The following TOX2 variants were observed in gnomAD, a reference collection of about 807,000 sequenced individuals.
The protein encoded by TOX2 is granulosa cell HMG box 1.
TOX2 carries 15 observed loss-of-function variants against 47.4 expected under a neutral mutation model. The ratio of observed to expected loss-of-function variants is 0.32; its 90% CI spans 0.21 to 0.49. The LOEUF (loss-of-function observed/expected upper bound fraction) is 0.49, where lower values mean the gene tolerates loss of function less well. TOX2 is among the 20% of genes least tolerant of loss of function. TOX2 has a pLI of 0.99. For missense variants in TOX2, 622 were observed against 673.1 expected, an observed-to-expected ratio of 0.92 and a Z score of 0.84; for synonymous variants, 290 against 296.6, an observed-to-expected ratio of 0.98 and a Z score of 0.23.
intron 3 of TOX2, among the ~76,000 whole-genome samples, chr20:44,011,992 A>G (rs905928237): frequency 6.6e-6 from 1 of 152,254 alleles, no homozygotes; most frequent in Non-Finnish European, 1.5e-5. Flanking sequence ...CAGCGTCTTA[A>G]CTGATTAAAC....
chr20:43,991,690 C>G (rs2070372007), intron 2 of TOX2, among the ~76,000 whole-genome samples: 2 of 151,222 alleles, frequency 1.3e-5, no homozygotes, highest in Admixed American at 6.6e-5. Flanking sequence ...GTCATCCAGG[C>G]TGGAGTGCAG....
chr20:44,053,184 C>T (rs2071546564), intron 4 of TOX2, among the ~76,000 whole-genome samples: 1 of 152,166 alleles, frequency 6.6e-6, no homozygotes, highest in Non-Finnish European at 1.5e-5. Flanking sequence ...GGCATCCCAA[C>T]ACCACCCCAT....
rs11274396 is a variant in TOX2, at chr20:43,986,256, A to AATGTATGT, written c.165+12849_165+12856dup. Among the ~76,000 whole-genome samples, 1,078 of 149,768 alleles carry AATGTATGT rather than the reference A, an allele frequency of 7.2e-3. 8 individuals carry two copies. Among genetic ancestry groups the AATGTATGT allele is most frequent in the African/African-American group, 0.02 (825 of 40,304 alleles). ...GGGAAGGGACGAGGAAGCCTTTTAA[A>AATGTATGT]ATGTATGTATGTATGTATGTATGTA... On this transcript the variant is annotated intron_variant, in intron 2 of 8. Transcript: ENST00000341197.
At chr20:44,022,445 C>T (rs1383813513) in intron 3 of TOX2, among the ~76,000 whole-genome samples, 2 of 152,194 alleles carry the variant, frequency 1.3e-5, no homozygotes, top group African/African-American at 2.4e-5. Flanking sequence ...AAGCACTTTA[C>T]GTGTGAGCTG....
intron 3 of TOX2, among the ~76,000 whole-genome samples, chr20:44,020,345 T>C (rs1004913106): frequency 3.9e-5 from 6 of 152,156 alleles, no homozygotes; most frequent in African/African-American, 1.4e-4. Flanking sequence ...AAATACCTAA[T>C]GCATGCGGGG....
At chr20:43,954,605 C>T (rs926866110) in intron 1 of TOX2, among the ~76,000 whole-genome samples, 2 of 152,190 alleles carry the variant, frequency 1.3e-5, no homozygotes, top group Admixed American at 6.5e-5. Context: ...CTGGAGGCTC[C>T]TGGACCTGCC....
chr20:43,967,113 C>A (rs1020763957), intron 1 of TOX2, among the ~76,000 whole-genome samples: 4 of 152,070 alleles, frequency 2.6e-5, no homozygotes, highest in African/African-American at 9.7e-5. Flanking sequence ...ATGTAGATGG[C>A]AGGGAGACCA....
At chr20:44,022,044 G>C (rs768080410) in intron 3 of TOX2, among the ~76,000 whole-genome samples, 1 of 152,208 alleles carries the variant, frequency 6.6e-6, no homozygotes, top group Non-Finnish European at 1.5e-5. Context: ...AGCACGTGGC[G>C]GAAGGCCCGT....
At chr20:44,052,885 C>T (rs1487911368) in intron 4 of TOX2, among the ~76,000 whole-genome samples, 1 of 152,208 alleles carries the variant, frequency 6.6e-6, no homozygotes, top group Admixed American at 6.5e-5. Flanking sequence ...GACAACATGC[C>T]TCTTCATCCC....
At position 43,975,110 on chromosome 20, in the gene TOX2, T is replaced by C. The variant is rs1031205134; in HGVS notation, c.165+1678T>C. On this transcript the variant is annotated intron_variant, in intron 2 of 8. Transcript: ENST00000341197. ...GAGCCTTTTCACAATGTTTAAATAG[T>C]ATTTTTGTTAACATATTGAGCCCTG... is the stretch of plus-strand genomic sequence containing the variant. Among the ~76,000 whole-genome samples the C allele has an allele frequency of 2.6e-5, 4 of 152,210 alleles. No individual in the cohort carries two copies. The East Asian group carries it at 7.7e-4, about 29-fold the overall frequency.
intron 3 of TOX2, among the ~76,000 whole-genome samples, chr20:44,048,388 T>TTTTATATATATATATATATATATA (rs1555845973): frequency 1.2e-5 from 1 of 86,848 alleles, no homozygotes; most frequent in Non-Finnish European, 2.3e-5. Flanking sequence ...TAAAATGAAT[T>TTTTATATATATATATATATATATA]TATATATATA....
intron 2 of TOX2, among the ~76,000 whole-genome samples, chr20:43,988,208 G>A (rs1302171763): frequency 3.9e-5 from 6 of 152,134 alleles, no homozygotes; most frequent in South Asian, 4.1e-4. Flanking sequence ...GTGAGCCACC[G>A]CACCTGGCCG....
chr20:44,040,072 G>T (rs1032724748), intron 3 of TOX2, among the ~76,000 whole-genome samples: 2 of 152,184 alleles, frequency 1.3e-5, no homozygotes, highest in African/African-American at 4.8e-5. Flanking sequence ...CTCGTGAGCT[G>T]GTAGAGTGTT....
chr20:43,979,078 C>T (rs770044072), intron 2 of TOX2, among the ~76,000 whole-genome samples: 6 of 152,178 alleles, frequency 3.9e-5, no homozygotes, highest in Middle Eastern at 3.4e-3. Context: ...CATGGTGGTA[C>T]CATTTTCTGA....
intron 3 of TOX2, among the ~76,000 whole-genome samples, chr20:44,023,002 T>G (rs1486553267): frequency 1.6e-3 from 165 of 104,402 alleles, no homozygotes; most frequent in African/African-American, 1.8e-3. Flanking sequence ...GAAAGGGAGG[T>G]GGGGGGAGGA....
At chr20:43,922,188 G>C (rs1039463722) in intron 1 of TOX2, among the ~76,000 whole-genome samples, 5 of 152,282 alleles carry the variant, frequency 3.3e-5, no homozygotes, top group African/African-American at 1.2e-4. Flanking sequence ...TGGAAATTCT[G>C]TCTAATCTAG....
At chr20:44,053,221 C>T (rs2071547669) in intron 4 of TOX2, among the ~76,000 whole-genome samples, 1 of 152,182 alleles carries the variant, frequency 6.6e-6, no homozygotes, top group African/African-American at 2.4e-5. Flanking sequence ...CAAGTGTTCA[C>T]AGGATCATGG....
chr20:44,021,322 C>T (rs1043111843), intron 3 of TOX2, among the ~76,000 whole-genome samples: 3 of 152,120 alleles, frequency 2.0e-5, no homozygotes, highest in African/African-American at 7.2e-5. Context: ...GCACTGGTAG[C>T]AACTGGCCCG....
At chr20:44,005,904 G>A (rs931652250) in intron 2 of TOX2, among the ~76,000 whole-genome samples, 7 of 151,944 alleles carry the variant, frequency 4.6e-5, no homozygotes, top group Non-Finnish European at 8.8e-5. Context: ...TCTATTCAGC[G>A]TTGTCCTGGA....
Sources: gnomAD v4.1 joint callset for allele counts (sites outside exome capture counted in the v4.1 genomes callset) on GRCh38, gnomAD v4.1.1 for gene constraint, MANE v1.5 for transcripts, NCBI Gene and HGNC (gene_info 2026-07-23, HGNC 2026-07-21) for gene names.